The following SPATA21 variants were observed in gnomAD, a reference collection of about 807,000 sequenced individuals.
The protein encoded by SPATA21 is spermatogenesis associated 21, also known as spermatogenesis-associated protein 21.
Under a neutral mutation model 54.8 loss-of-function variants are expected in SPATA21, and 47 were observed. The observed-to-expected ratio is 0.86, with a 90% CI of 0.68 to 1.09. The LOEUF (loss-of-function observed/expected upper bound fraction) is 1.09, where lower values mean the gene tolerates loss of function less well. Ranked by LOEUF, SPATA21 falls within the 50% of genes least tolerant of loss-of-function variation. The pLI is 0.00. For synonymous variants in SPATA21, 245 were observed against 235.3 expected (o/e 1.04, Z -0.38); for missense variants, 599 against 596.4 (o/e 1.00, Z -0.05).
At chr1:16,398,885 A>G in intron 12 of SPATA21, 63 bp from the exon 13 acceptor site, 1 of 1,544,274 alleles carries the variant, frequency 6.5e-7, no homozygotes, top group Non-Finnish European at 8.8e-7. Flanking sequence ...CTGCCAGTAT[A>G]TGAGCCATCT....
chr1:16,420,795 C>T (rs2086149794), intron 5 of SPATA21, among the ~76,000 whole-genome samples: 2 of 151,528 alleles, frequency 1.3e-5, no homozygotes, highest in African/African-American at 4.9e-5. Context: ...AGATGAGGGG[C>T]GTGGGGGATG....
chr1:16,403,074 T>A (rs1468535258), intron 10 of SPATA21, among the ~76,000 whole-genome samples: 1 of 152,220 alleles, frequency 6.6e-6, no homozygotes, highest in Non-Finnish European at 1.5e-5. Context: ...TCGCCTTTGC[T>A]TCTAGCCCTG....
intron 3 of SPATA21, among the ~76,000 whole-genome samples, chr1:16,427,281 T>C (rs2086348542): frequency 6.6e-6 from 1 of 152,094 alleles, no homozygotes; most frequent in African/African-American, 2.4e-5. Context: ...CTGGCTTGAG[T>C]TGTCTCTCCT....
In SPATA21 at chr1:16,421,398, T is replaced by C; in HGVS notation, c.144+111A>G. ...CCACACACACCTTCCTTGGTTTGAC[T>C]CCAAATAGGGGTTTGACGTGCCACA... On this transcript the variant is annotated intron_variant, in intron 5 of 12. Coordinates refer to ENST00000335496, the MANE Select transcript of SPATA21 (RefSeq NM_198546.1). This position sits in a 1 kb window ranked among gnomAD's most constrained non-coding sequence, Gnocchi z 5.2. The C allele has an allele frequency of 1.8e-6, 2 of 1,106,992 alleles. No individual in the cohort carries two copies. Among genetic ancestry groups the C allele is most frequent in the East Asian group, 2.6e-5 (1 of 38,472 alleles). The allele number at this position is 1,106,992 out of a possible 1,614,324, so 68.6% of individuals were successfully genotyped here.
chr1:16,426,185 T>C (rs1394962194), intron 3 of SPATA21, among the ~76,000 whole-genome samples: 33 of 152,144 alleles, frequency 2.2e-4, no homozygotes, highest in Non-Finnish European at 1.5e-5. Context: ...AATTTGAAGC[T>C]GTGTCTATCC....
chr1:16,396,067 A>G (rs953314842), downstream of SPATA21: 2 of 152,712 alleles, frequency 1.3e-5, no homozygotes, highest in African/African-American at 4.8e-5. Context: ...AGAAGAAAGC[A>G]GAGTGCCAGG....
Position 16,428,107 on chromosome 1 carries a change from T to A in SPATA21, c.34+3231A>T. On this transcript the variant is annotated intron_variant, in intron 3 of 12. Coordinates refer to ENST00000335496, the MANE Select transcript of SPATA21 (RefSeq NM_198546.1). The surrounding 1 kb of genome is among the most constrained non-coding windows in gnomAD (Gnocchi z 4.3). ...TCCCACTCCTCCCTGGGTACTCTTC[T>A]GGCCTCAAGGACAGGGAGATCCTGT... 6.9e-7 allele frequency: 1 copy of A among 1,451,222 alleles called. No homozygotes were observed. The allele number at this position is 1,451,222 out of a possible 1,614,324, so 89.9% of individuals were successfully genotyped here.
chr1:16,431,066 T>C (rs940836156), intron 3 of SPATA21, among the ~76,000 whole-genome samples: 4 of 152,230 alleles, frequency 2.6e-5, no homozygotes, highest in Admixed American at 6.5e-5. Flanking sequence ...TATGAAGGCA[T>C]GTGTCAGTTA....
intron 5 of SPATA21, among the ~76,000 whole-genome samples, chr1:16,415,037 C>T (rs2085960667): frequency 6.6e-6 from 1 of 151,686 alleles, no homozygotes; most frequent in Non-Finnish European, 1.5e-5. Context: ...AACAAACTAG[C>T]AATTAAAAGC....
At chr1:16,404,934 C>T (rs961714678) in intron 8 of SPATA21, 33 bp downstream of exon 8, 20 of 1,528,314 alleles carry the variant, frequency 1.3e-5, no homozygotes, top group Non-Finnish European at 1.7e-5. Flanking sequence ...CAGGCCCTGC[C>T]TGGGATGCAG....
At position 16,421,630 on chromosome 1, in the gene SPATA21, GC is replaced by G; in HGVS notation, c.96-74del. The G allele has an allele frequency of 1.4e-6, 2 of 1,473,018 alleles. No individual in the cohort carries two copies. The highest frequency in any genetic ancestry group is 1.9e-6 in the Non-Finnish European group (2 of 1,079,154). 91.2% of individuals were successfully genotyped at this position (1,473,018 alleles called of 1,614,324 possible). On this transcript the variant is annotated intron_variant, in intron 4 of 12. Coordinates refer to ENST00000335496, the MANE Select transcript of SPATA21 (RefSeq NM_198546.1). This position sits in a 1 kb window ranked among gnomAD's most constrained non-coding sequence, Gnocchi z 5.2. Reference sequence around the variant, plus strand: ...TTTGCCCCCCTGCCCTCCCCTCTCAGCCCCCAGGACACTCAGTTCCACCCCA... The same window carrying G: ...TTTGCCCCCCTGCCCTCCCCTCTCAGCCCCAGGACACTCAGTTCCACCCCA...
chr1:16,399,500 T>C lies in SPATA21; in HGVS notation c.1196A>G (p.Tyr399Cys), dbSNP rs377078047. The change falls in exon 12 of 13, where the codon TAT becomes TGT. Residue 399 changes from tyrosine (Y) to cysteine (C), a missense_variant. By Grantham distance (194) the Tyr-to-Cys change is radical. Transcript: ENST00000335496. ...QNYAPNLQSP[Y>C]AQVPCILLCP... The stretch of plus-strand genomic sequence containing the variant: ...GAGCAGGATGCAGGGCACCTGGGCA[T>C]AGGGGCTCTGCAGGTTGGGAGCTGG... The C allele has an allele frequency of 3.7e-6, 6 of 1,613,738 alleles. No individual in the cohort carries two copies. The African/African-American group carries it at 6.7e-5, about 18-fold the overall frequency.
chr1:16,414,906 A>AAAAAAG (rs1339525911), intron 5 of SPATA21, among the ~76,000 whole-genome samples: 3 of 151,664 alleles, frequency 2.0e-5, no homozygotes, highest in Admixed American at 6.6e-5. Flanking sequence ...AAAAAAAAAA[A>AAAAAAG]AAAAAAGATT....
intron 7 of SPATA21, among the ~76,000 whole-genome samples, chr1:16,408,046 C>A (rs1046412683): frequency 6.6e-6 from 1 of 152,160 alleles, no homozygotes; most frequent in Admixed American, 6.6e-5. Flanking sequence ...GGATTATAGG[C>A]ATGAGCCACT....
chr1:16,409,303 G>A lies in SPATA21; in HGVS notation c.588-100C>T. The A allele has an allele frequency of 7.7e-7, 1 of 1,300,868 alleles. No individual in the cohort carries two copies. The highest frequency in any genetic ancestry group is 1.1e-6 in the Non-Finnish European group (1 of 917,904). 80.6% of individuals were successfully genotyped at this position (1,300,868 alleles called of 1,614,324 possible). On this transcript the variant is annotated intron_variant, in intron 6 of 12. Coordinates refer to ENST00000335496, the MANE Select transcript of SPATA21 (RefSeq NM_198546.1). The surrounding 1 kb of genome is among the most constrained non-coding windows in gnomAD (Gnocchi z 4.1). ...GGAGCCTGCAGGAGGAGGTCGTGGG[G>A]GAGGCTTTGGGGAGCCCGGAGAGAT...
At chr1:16,417,867 C>T (rs754350847) in intron 5 of SPATA21, among the ~76,000 whole-genome samples, 3 of 152,202 alleles carry the variant, frequency 2.0e-5, no homozygotes, top group Admixed American at 6.5e-5. Flanking sequence ...ACTCACTGCA[C>T]CTGGCCCTGG....
chr1:16,434,260 T>C (rs995934337), intron 1 of SPATA21, among the ~76,000 whole-genome samples: 1 of 152,054 alleles, frequency 6.6e-6, no homozygotes, highest in African/African-American at 2.4e-5. Flanking sequence ...CATCAGTAGA[T>C]AGAAATTGAG....
Position 16,404,999 on chromosome 1 carries a change from A to G in SPATA21, c.779T>C (p.Val260Ala). 1 of 1,607,426 alleles carries G rather than the reference A, an allele frequency of 6.2e-7. No homozygotes were observed. Among genetic ancestry groups the G allele is most frequent in the Non-Finnish European group, 8.5e-7 (1 of 1,178,074 alleles). Reference protein sequence around the residue: ...LMGFSVTLAQVEDALMSADVN... With the variant: ...LMGFSVTLAQAEDALMSADVN... ...ATCAGCACTCATCAGGGCGTCCTCC[A>G]CCTGGGCCAGCGTCACAGAGAAGCC... Residue 260 changes from valine to alanine, a missense_variant, in exon 8 of 13, where the codon GTG becomes GCG. Transcript: ENST00000335496.
chr1:16,409,062 C>G lies in SPATA21; in HGVS notation c.673+56G>C. The G allele has an allele frequency of 1.3e-6, 2 of 1,592,566 alleles. No homozygotes were observed. The highest frequency in any genetic ancestry group is 8.6e-7 in the Non-Finnish European group (1 of 1,161,118). ...CCAGTCCGCCCTGCGCCTATAAACC[C>G]CCAAGGACCAAGGGTCCTGCCTGTG... is the stretch of plus-strand genomic sequence containing the variant. On this transcript the variant is annotated intron_variant, in intron 7 of 12. Coordinates refer to ENST00000335496, the MANE Select transcript of SPATA21 (RefSeq NM_198546.1). This position sits in a 1 kb window ranked among gnomAD's most constrained non-coding sequence, Gnocchi z 4.1.
Sources: allele counts gnomAD v4.1 joint callset (sites outside exome capture counted in the v4.1 genomes callset), GRCh38; gene constraint gnomAD v4.1.1; non-coding constraint Gnocchi (gnomAD v3.1); transcripts MANE v1.5; gene names NCBI Gene and HGNC (gene_info 2026-07-23, HGNC 2026-07-21).